DCC: variants seen among roughly 807,000 people sequenced by gnomAD.
DCC encodes the protein netrin receptor DCC.
DCC carries 58 observed loss-of-function variants against 172.5 expected under a neutral mutation model. That is an observed-to-expected ratio of 0.34 (90% CI 0.27 to 0.42). The LOEUF is 0.42. DCC is among the 10% of genes least tolerant of loss of function. The probability of loss-of-function intolerance (pLI) is 1.00; values close to 1 mark genes in which losing one functional copy is unlikely to be tolerated. For missense variants in DCC, 1,740 were observed against 1,791.0 expected (o/e 0.97, Z 0.51); for synonymous variants, 709 against 644.5 (o/e 1.10, Z -1.52).
chr18:53,487,286 T>C (rs1162568622), intron 26 of DCC, among the ~76,000 whole-genome samples: 4 of 152,240 alleles, frequency 2.6e-5, no homozygotes, highest in African/African-American at 9.6e-5. Flanking sequence ...AATCAAGTGA[T>C]ATCTTCCAAC....
chr18:53,384,909 G>A (rs1027748525), intron 15 of DCC, among the ~76,000 whole-genome samples: 17 of 150,584 alleles, frequency 1.1e-4, no homozygotes, highest in African/African-American at 3.7e-4. Flanking sequence ...GTGCAATGGC[G>A]CTATCTCGGC....
chr18:53,435,756 T>A (rs1568131071), intron 22 of DCC, among the ~76,000 whole-genome samples: 1 of 152,168 alleles, frequency 6.6e-6, no homozygotes, highest in Non-Finnish European at 1.5e-5. Context: ...TGCCCAAATA[T>A]CTGCTGGCTT....
In DCC at chr18:52,906,225, G is replaced by A; in HGVS notation, c.594G>A (p.Gln198=). ...RVVVLPSGAL[Q]ISRLQPGDIG... is the part of the protein sequence containing the mutation. Reference sequence around the variant, plus strand: ...TGGTCTTGCCCTCTGGAGCATTGCAGATCAGCCGACTCCAACCGGGGGACA... The same window carrying A: ...TGGTCTTGCCCTCTGGAGCATTGCAAATCAGCCGACTCCAACCGGGGGACA... Residue 198 remains glutamine (Q), a synonymous_variant, in exon 3 of 29, where the codon CAG becomes CAA. Transcript: ENST00000442544. 6.2e-7 allele frequency: 1 copy of A among 1,613,910 alleles called. No individual in the cohort carries two copies. Among genetic ancestry groups the A allele is most frequent in the Non-Finnish European group, 8.5e-7 (1 of 1,179,948 alleles).
intron 1 of DCC, among the ~76,000 whole-genome samples, chr18:52,652,737 T>TGTGTGTGTGTGTGTGTGG (rs971665914): frequency 4.0e-5 from 6 of 151,712 alleles, no homozygotes; most frequent in East Asian, 3.9e-4. Context: ...TGTGTGTGTG[T>TGTGTGTGTGTGTGTGTGG]GTGGGTGGAG....
chr18:52,523,919 T>A (rs1275995516), intron 1 of DCC, among the ~76,000 whole-genome samples: 3 of 152,202 alleles, frequency 2.0e-5, no homozygotes, highest in Non-Finnish European at 4.4e-5. Flanking sequence ...AGTATATTTG[T>A]CCAAGGAACA....
At chr18:53,261,813 T>G (rs73463026) in intron 12 of DCC, among the ~76,000 whole-genome samples, 8,822 of 152,198 alleles carry the variant, frequency 0.058, 805 homozygotes, top group African/African-American at 0.19. Context: ...ATGAATACCT[T>G]CGTGGGGTCT....
At chr18:52,793,385 A>G (rs2037813428) in intron 2 of DCC, among the ~76,000 whole-genome samples, 1 of 152,178 alleles carries the variant, frequency 6.6e-6, no homozygotes, top group African/African-American at 2.4e-5. Flanking sequence ...ATTTATTAGA[A>G]AATGATTTGA....
intron 1 of DCC, among the ~76,000 whole-genome samples, chr18:52,487,810 C>CAAAAAAAAAAAAAAAAA (rs5824940): frequency 1.3e-5 from 1 of 74,400 alleles, no homozygotes; most frequent in Admixed American, 2.2e-4. Flanking sequence ...GACTCCACCT[C>CAAAAAAAAAAAAAAAAA]AAAAAAAAAA....
chr18:52,962,652 A>C (rs2040860993), intron 5 of DCC, among the ~76,000 whole-genome samples: 1 of 151,900 alleles, frequency 6.6e-6, no homozygotes, highest in Non-Finnish European at 1.5e-5. Context: ...AGACACATGC[A>C]CATGTATGTT....
chr18:53,292,228 C>T (rs917353105), intron 12 of DCC, among the ~76,000 whole-genome samples: 3 of 151,708 alleles, frequency 2.0e-5, no homozygotes, highest in Non-Finnish European at 4.4e-5. Flanking sequence ...GAAAGCCCAG[C>T]GGGCAGGAAG....
intron 2 of DCC, among the ~76,000 whole-genome samples, chr18:52,798,161 A>G (rs2037914130): frequency 6.6e-6 from 1 of 150,602 alleles, no homozygotes; most frequent in Non-Finnish European, 1.5e-5. Context: ...AGGGTCTGTC[A>G]ATACCCAGGC....
intron 1 of DCC, among the ~76,000 whole-genome samples, chr18:52,474,244 A>AGAGAGAGAGAG (rs1568186675): frequency 1.2e-4 from 4 of 32,144 alleles, no homozygotes; most frequent in African/African-American, 3.5e-4. Context: ...GAGAGAGAGA[A>AGAGAGAGAGAG]AGAGAGAGAA....
intron 19 of DCC, among the ~76,000 whole-genome samples, chr18:53,406,214 CTAGTT>C: frequency 1.3e-5 from 2 of 152,168 alleles, no homozygotes; most frequent in Non-Finnish European, 2.9e-5. Flanking sequence ...ATTTGATAGC[CTAGTT>C]TAATTTGTCT....
At chr18:52,754,311 C>G (rs1003939746) in intron 2 of DCC, 1 of 152,174 alleles carries the variant, frequency 6.6e-6, no homozygotes, top group Non-Finnish European at 1.5e-5. Flanking sequence ...TGTAGCTTTT[C>G]TCCACTAAGA....
chr18:53,516,579 A>G (rs1043947921), intron 27 of DCC, among the ~76,000 whole-genome samples: 5 of 151,514 alleles, frequency 3.3e-5, no homozygotes, highest in Admixed American at 6.5e-5. Context: ...TCCAGAATCT[A>G]CAATGAATGC....
In DCC at chr18:53,312,866, A is replaced by G. The variant is rs1238665197; in HGVS notation, c.2053+7147A>G. Among the ~76,000 whole-genome samples, 4 of 136,252 alleles carry G rather than the reference A, an allele frequency of 2.9e-5. No individual in the cohort carries two copies. In the South Asian group the frequency reaches 7.9e-4, roughly 27 times the overall value. 89.4% of individuals were successfully genotyped at this position (136,252 alleles called of 152,430 possible). A position where few individuals can be genotyped will look rare whatever the true frequency, so the allele number is the denominator to read the frequency against. On this transcript the variant is annotated intron_variant, in intron 13 of 28. Coordinates refer to ENST00000442544, the MANE Select transcript of DCC (RefSeq NM_005215.4). ...CTGCCTTCTCTTTACTCCACCTCCA[A>G]TGAAAGAGAGAGAGGAAGGGAAAGG...
chr18:53,108,166 A>T (rs1210188663), intron 7 of DCC, among the ~76,000 whole-genome samples: 1 of 70,294 alleles, frequency 1.4e-5, no homozygotes, highest in Non-Finnish European at 2.7e-5. Context: ...AATGCACGTA[A>T]AGACATACAC....
At chr18:53,493,606 G>A (rs1284451442) in intron 26 of DCC, among the ~76,000 whole-genome samples, 1 of 152,058 alleles carries the variant, frequency 6.6e-6, no homozygotes, top group Non-Finnish European at 1.5e-5. Context: ...TGGGATCAGT[G>A]GTGATATCCC....
At chr18:52,996,355 T>C (rs2041478219) in intron 5 of DCC, among the ~76,000 whole-genome samples, 1 of 152,084 alleles carries the variant, frequency 6.6e-6, no homozygotes, top group Non-Finnish European at 1.5e-5. Flanking sequence ...CATTAATCTT[T>C]TGAGGCCTTC....
Sources: allele counts gnomAD v4.1 joint callset (sites outside exome capture counted in the v4.1 genomes callset), GRCh38; gene constraint gnomAD v4.1.1; transcripts MANE v1.5; gene names NCBI Gene and HGNC (gene_info 2026-07-23, HGNC 2026-07-21).